SNX29: variants seen among roughly 807,000 people sequenced by gnomAD.
SNX29 encodes the protein sorting nexin-29.
A neutral mutation model predicts 102.1 loss-of-function variants in SNX29; 78 were observed. The observed-to-expected ratio is 0.76, with a 90% CI of 0.64 to 0.92. The LOEUF (loss-of-function observed/expected upper bound fraction) is 0.92. SNX29 is among the 40% of genes least tolerant of loss of function. The pLI is 0.00. For synonymous variants in SNX29, 580 were observed against 414.5 expected (o/e 1.40, Z -4.85); for missense variants, 1,280 against 1,061.7 (o/e 1.21, Z -2.86).
intron 19 of SNX29, among the ~76,000 whole-genome samples, chr16:12,498,916 G>A (rs1179018630): frequency 6.6e-6 from 1 of 152,182 alleles, no homozygotes; most frequent in Non-Finnish European, 1.5e-5. Context: ...CTATCATCTA[G>A]GATTGATCTG....
At chr16:12,463,146 G>C (rs1409834819) in intron 18 of SNX29, among the ~76,000 whole-genome samples, 2 of 152,200 alleles carry the variant, frequency 1.3e-5, no homozygotes, top group East Asian at 3.8e-4. Context: ...CTGCCCGTCA[G>C]CGGTCGTTGT....
intron 20 of SNX29, among the ~76,000 whole-genome samples, chr16:12,548,569 G>T (rs2077757608): frequency 6.6e-6 from 1 of 152,174 alleles, no homozygotes; most frequent in Admixed American, 6.5e-5. Flanking sequence ...CTATGATGCT[G>T]GCTTCCCTGT....
chr16:12,197,681 A>G (rs1431355796), intron 13 of SNX29, among the ~76,000 whole-genome samples: 1 of 152,218 alleles, frequency 6.6e-6, no homozygotes, highest in African/African-American at 2.4e-5. Context: ...TTTGTGATTC[A>G]TGTCACAGAT....
intron 10 of SNX29, among the ~76,000 whole-genome samples, chr16:12,077,221 G>A (rs1596790461): frequency 6.6e-6 from 1 of 152,118 alleles, no homozygotes; most frequent in East Asian, 1.9e-4. Context: ...CAAGCCTTCA[G>A]CGAGCTGAGA....
intron 20 of SNX29, among the ~76,000 whole-genome samples, chr16:12,533,667 A>G (rs977474753): frequency 6.6e-6 from 1 of 152,182 alleles, no homozygotes; most frequent in Non-Finnish European, 1.5e-5. Context: ...CAGCATCAAT[A>G]GGCACCCCAA....
chr16:12,031,254 T>C (rs142427559), intron 4 of SNX29, among the ~76,000 whole-genome samples: 1,579 of 151,940 alleles, frequency 0.01, 23 homozygotes, highest in African/African-American at 0.036. Context: ...GTATTTTTGG[T>C]AGAGATGGGG....
chr16:12,506,920 C>CTGTTTTCCGA (rs1337043802), intron 19 of SNX29, among the ~76,000 whole-genome samples: 2 of 152,164 alleles, frequency 1.3e-5, no homozygotes, highest in East Asian at 1.9e-4. Flanking sequence ...CCGATCACCA[C>CTGTTTTCCGA]TCATTTTTGC....
chr16:12,192,541 T>A (rs11641124), intron 13 of SNX29, among the ~76,000 whole-genome samples: 5,074 of 152,274 alleles, frequency 0.033, 110 homozygotes, highest in South Asian at 0.071. Flanking sequence ...AATTGCAGTC[T>A]CACTCTGTTG....
intron 2 of SNX29, among the ~76,000 whole-genome samples, chr16:12,002,420 T>A (rs2056319672): frequency 7.0e-6 from 1 of 142,914 alleles, no homozygotes; most frequent in Non-Finnish European, 1.5e-5. Flanking sequence ...CACTCCAGCC[T>A]GGGCAACAAG....
intron 16 of SNX29, chr16:12,375,598 G>C (rs1179630226): frequency 1.3e-5 from 2 of 152,254 alleles, no homozygotes; most frequent in African/African-American, 4.8e-5. Flanking sequence ...CTTGGACTGA[G>C]GGCCTCAGTT....
intron 8 of SNX29, among the ~76,000 whole-genome samples, chr16:12,060,120 C>G (rs936525650): frequency 1.3e-5 from 2 of 151,702 alleles, no homozygotes; most frequent in Non-Finnish European, 2.9e-5. Context: ...ATGGTTTCAA[C>G]CAACTGTGGA....
chr16:12,355,852 A>T lies in SNX29; in HGVS notation c.1783-311A>T, dbSNP rs1372882038. Among the ~76,000 whole-genome samples, 18 of 28,716 alleles carry T rather than the reference A, an allele frequency of 6.3e-4. 1 individual carries two copies. The highest frequency in any genetic ancestry group is 6.5e-4 in the Non-Finnish European group (7 of 10,800). The allele number at this position is 28,716 out of a possible 152,430, so 18.8% of individuals were successfully genotyped here. Reference sequence around the variant, plus strand: ...CAGAGCGAGATCTTATTAAAAAAAAAAAAAAAAAAAAAAAAAAAAAAAAAG... The same window carrying T: ...CAGAGCGAGATCTTATTAAAAAAAATAAAAAAAAAAAAAAAAAAAAAAAAG... On this transcript the variant is annotated intron_variant, in intron 15 of 20. Transcript: ENST00000566228.
At chr16:12,229,686 G>C (rs1039041192) in intron 14 of SNX29, among the ~76,000 whole-genome samples, 1 of 152,062 alleles carries the variant, frequency 6.6e-6, no homozygotes, top group South Asian at 2.1e-4. Context: ...CCGTCAAAGG[G>C]ATTTACCTAA....
intron 13 of SNX29, among the ~76,000 whole-genome samples, chr16:12,170,405 C>G (rs1013479583): frequency 6.6e-6 from 1 of 151,980 alleles, no homozygotes; most frequent in Admixed American, 6.6e-5. Flanking sequence ...GGAGCAAAGC[C>G]AGCTCTGGGT....
intron 20 of SNX29, among the ~76,000 whole-genome samples, chr16:12,553,214 C>G (rs983811322): frequency 6.6e-6 from 1 of 152,146 alleles, no homozygotes; most frequent in Non-Finnish European, 1.5e-5. Context: ...AGTAGCCATG[C>G]TCGCAGATGG....
intron 20 of SNX29, among the ~76,000 whole-genome samples, chr16:12,553,914 G>GC (rs1364295455): frequency 1.3e-5 from 2 of 152,084 alleles, no homozygotes; most frequent in African/African-American, 4.8e-5. Context: ...CATGATCTCC[G>GC]CCTCCTGGGT....
At chr16:12,127,216 G>A (rs574760253) in intron 12 of SNX29, among the ~76,000 whole-genome samples, 38 of 149,658 alleles carry the variant, frequency 2.5e-4, no homozygotes, top group Non-Finnish European at 3.6e-4. Flanking sequence ...CCGAGATTAC[G>A]CCATTGCACT....
At chr16:12,565,072 G>C (rs533200139) in intron 20 of SNX29, among the ~76,000 whole-genome samples, 9 of 152,170 alleles carry the variant, frequency 5.9e-5, no homozygotes, top group Admixed American at 1.3e-4. Flanking sequence ...AAGGGGCCCA[G>C]TGGGGACACA....
In SNX29 at chr16:12,568,749, C is replaced by G; in HGVS notation, c.*120C>G. ...CGTCCACCTGGTGATCCTGAGAGCA[C>G]ACGATTCCCAACAGTTACACAACAC... On this transcript the variant is annotated 3_prime_UTR_variant, in exon 21 of 21. Transcript: ENST00000566228. The G allele has an allele frequency of 7.1e-7, 1 of 1,409,480 alleles. No individual in the cohort carries two copies. The highest frequency in any genetic ancestry group is 9.5e-7 in the Non-Finnish European group (1 of 1,056,800). The allele number at this position is 1,409,480 out of a possible 1,614,324, so 87.3% of individuals were successfully genotyped here. A position where few individuals can be genotyped will look rare whatever the true frequency, so the allele number is the denominator to read the frequency against.
Sources: gnomAD v4.1 joint callset for allele counts (sites outside exome capture counted in the v4.1 genomes callset) on GRCh38, gnomAD v4.1.1 for gene constraint, MANE v1.5 for transcripts, NCBI Gene and HGNC (gene_info 2026-07-23, HGNC 2026-07-21) for gene names.